Variants in GPC6 observed in about 807,000 individuals in gnomAD.
GPC6 encodes glypican 6.
In GPC6, 14 loss-of-function variants were observed where a neutral mutation model predicts 55.2. The observed-to-expected ratio is 0.25, with a 90% CI of 0.17 to 0.40. The LOEUF (loss-of-function observed/expected upper bound fraction) is 0.40, where lower values mean the gene tolerates loss of function less well. Among genes scored for constraint, GPC6 ranks in the 10% least tolerant of loss-of-function variants. GPC6 has a pLI of 1.00. For missense variants in GPC6, 641 were observed against 708.5 expected (o/e 0.90, Z 1.08); for synonymous variants, 278 against 259.6 (o/e 1.07, Z -0.68).
chr13:94,283,477 G>A (rs1383459704), intron 4 of GPC6, among the ~76,000 whole-genome samples: 3 of 152,176 alleles, frequency 2.0e-5, no homozygotes, highest in African/African-American at 4.8e-5. Flanking sequence ...CAAGTAGAGG[G>A]CCTTGGCCCA....
intron 4 of GPC6, among the ~76,000 whole-genome samples, chr13:94,085,321 CAAAAAAAA>C (rs33967804): frequency 1.4e-4 from 12 of 87,080 alleles, no homozygotes; most frequent in African/African-American, 5.2e-4. Context: ...GATTCTGTCT[CAAAAAAAA>C]AAAAAAAAAA....
chr13:94,398,986 A>C (rs1881013342), intron 8 of GPC6, among the ~76,000 whole-genome samples: 1 of 152,160 alleles, frequency 6.6e-6, no homozygotes, highest in African/African-American at 2.4e-5. Flanking sequence ...ATCTGACCCA[A>C]ACTTCTGCCC....
chr13:94,086,327 C>G (rs113551322), intron 4 of GPC6, among the ~76,000 whole-genome samples: 3 of 152,126 alleles, frequency 2.0e-5, no homozygotes, highest in Admixed American at 2.0e-4. Context: ...TCACCTTCCC[C>G]GGAAACAGGC....
At chr13:93,410,955 A>G (rs200898792) in intron 1 of GPC6, among the ~76,000 whole-genome samples, 1 of 152,178 alleles carries the variant, frequency 6.6e-6, no homozygotes, top group African/African-American at 2.4e-5. Context: ...CCGACTTGCA[A>G]TGATTGCATC....
At chr13:93,218,362 A>C in the GPC6 span, among the ~76,000 whole-genome samples, 1 of 152,224 alleles carries the variant, frequency 6.6e-6, no homozygotes, top group African/African-American at 2.4e-5. Flanking sequence ...GATAAAGAAC[A>C]TAGGATGTCA....
At chr13:93,853,297 G>A (rs1001108212) in intron 3 of GPC6, among the ~76,000 whole-genome samples, 2 of 151,558 alleles carry the variant, frequency 1.3e-5, no homozygotes, top group Non-Finnish European at 3.0e-5. Flanking sequence ...TGTGAACAAC[G>A]CCTTACCACC....
intron 3 of GPC6, among the ~76,000 whole-genome samples, chr13:93,865,347 C>T (rs751549757): frequency 7.3e-5 from 11 of 151,654 alleles, no homozygotes; most frequent in Non-Finnish European, 1.5e-4. Flanking sequence ...AGCCTTTTGC[C>T]AGGGTTCAAC....
intron 3 of GPC6, among the ~76,000 whole-genome samples, chr13:93,990,958 AAAG>A (rs1881275594): frequency 6.7e-6 from 1 of 149,846 alleles, no homozygotes; most frequent in South Asian, 2.1e-4. Flanking sequence ...GGAAGGAAGG[AAAG>A]AAGGAAGGAA....
At chr13:93,434,150 G>A (rs770403229) in intron 1 of GPC6, among the ~76,000 whole-genome samples, 6 of 152,156 alleles carry the variant, frequency 3.9e-5, no homozygotes, top group Non-Finnish European at 8.8e-5. Flanking sequence ...GTGTCATGTT[G>A]GTGATGGCTT....
rs115774061 is a variant in GPC6 at position 93,696,190 on chromosome 13, C to T, written c.320-133964C>T. On this transcript the variant is annotated intron_variant, in intron 2 of 8. Transcript: ENST00000377047. ...ATTTCTATGCTTATGATTTCTAATACGGCTTTTCAACTGGCAAATTGTGGT... is the reference window on the plus strand; with the variant it reads ...ATTTCTATGCTTATGATTTCTAATATGGCTTTTCAACTGGCAAATTGTGGT... 3.3e-3 allele frequency among the ~76,000 whole-genome samples: 497 copies of T among 152,176 alleles called. 1 individual carries two copies. Among genetic ancestry groups the T allele is most frequent in the African/African-American group, 0.011 (447 of 41,514 alleles).
intron 1 of GPC6, among the ~76,000 whole-genome samples, chr13:93,261,236 A>G (rs1877135524): frequency 6.6e-6 from 1 of 152,146 alleles, no homozygotes; most frequent in Non-Finnish European, 1.5e-5. Flanking sequence ...AGAGGGAGAG[A>G]GAAGTCAACA....
At chr13:93,231,349 ATATATATATACG>A (rs1477715240) in intron 1 of GPC6, among the ~76,000 whole-genome samples, 38 of 30,716 alleles carry the variant, frequency 1.2e-3, no homozygotes, top group Non-Finnish European at 2.0e-3. Flanking sequence ...ATATATACAT[ATATATATATACG>A]TATATATATA....
At chr13:93,935,081 C>G (rs1444037749) in intron 3 of GPC6, among the ~76,000 whole-genome samples, 2 of 152,170 alleles carry the variant, frequency 1.3e-5, no homozygotes, top group East Asian at 3.9e-4. Context: ...TTAATACGGC[C>G]TCTATGAACA....
intron 2 of GPC6, among the ~76,000 whole-genome samples, chr13:93,807,401 G>A (rs1388518840): frequency 2.0e-5 from 3 of 152,190 alleles, no homozygotes; most frequent in Non-Finnish European, 2.9e-5. Flanking sequence ...TTCCCAAGAC[G>A]TAATTCCTCA....
intron 4 of GPC6, among the ~76,000 whole-genome samples, chr13:94,261,862 T>C (rs1891667819): frequency 6.6e-6 from 1 of 152,210 alleles, no homozygotes; most frequent in African/African-American, 2.4e-5. Flanking sequence ...AAGAAATTAT[T>C]GGGAGACAAA....
intron 1 of GPC6, among the ~76,000 whole-genome samples, chr13:93,457,689 T>G (rs1878510905): frequency 6.6e-6 from 1 of 152,116 alleles, no homozygotes; most frequent in Admixed American, 6.5e-5. Context: ...GTACTAAAAT[T>G]TTATTGACTG....
At chr13:93,969,661 T>G (rs1202962936) in intron 3 of GPC6, among the ~76,000 whole-genome samples, 1 of 152,196 alleles carries the variant, frequency 6.6e-6, no homozygotes, top group East Asian at 1.9e-4. Context: ...TTTACCATTT[T>G]TAGTGTATAC....
intron 3 of GPC6, among the ~76,000 whole-genome samples, chr13:93,861,560 G>A (rs1410357483): frequency 6.6e-6 from 1 of 151,600 alleles, no homozygotes; most frequent in Admixed American, 6.6e-5. Flanking sequence ...CCAACAAAAT[G>A]TTTAAAGCTC....
At chr13:94,162,232 G>A (rs1036743192) in intron 4 of GPC6, among the ~76,000 whole-genome samples, 1 of 152,142 alleles carries the variant, frequency 6.6e-6, no homozygotes, top group African/African-American at 2.4e-5. Context: ...GTGTCACCTG[G>A]AACCAGAGTC....
Sources: allele counts gnomAD v4.1 joint callset (sites outside exome capture counted in the v4.1 genomes callset), GRCh38; gene constraint gnomAD v4.1.1; transcripts MANE v1.5; gene names NCBI Gene and HGNC (gene_info 2026-07-23, HGNC 2026-07-21).